The following FILIP1L variants were observed in gnomAD, a reference collection of about 807,000 sequenced individuals.
The protein encoded by FILIP1L is filamin A interacting protein 1 like.
In FILIP1L, 55 loss-of-function variants were observed where a neutral mutation model predicts 96.6. The observed-to-expected ratio is 0.57, with a 90% CI of 0.46 to 0.71. The LOEUF (loss-of-function observed/expected upper bound fraction) is 0.71, where lower values mean the gene tolerates loss of function less well. Among genes scored for constraint, FILIP1L ranks in the 30% least tolerant of loss-of-function variants. FILIP1L has a pLI of 0.00. For missense variants in FILIP1L, 1,304 were observed against 1,321.2 expected, an observed-to-expected ratio of 0.99 and a Z score of 0.20; for synonymous variants, 467 against 473.9, an observed-to-expected ratio of 0.99 and a Z score of 0.19.
At chr3:100,096,530 G>A (rs758625055) in intron 1 of FILIP1L, among the ~76,000 whole-genome samples, 10 of 147,316 alleles carry the variant, frequency 6.8e-5, no homozygotes, top group Non-Finnish European at 1.1e-4. Context: ...AACATCACAT[G>A]TTCTGACTTA....
chr3:100,096,626 G>C (rs959702773), intron 1 of FILIP1L, among the ~76,000 whole-genome samples: 126 of 152,062 alleles, frequency 8.3e-4, no homozygotes, highest in African/African-American at 2.9e-3. Flanking sequence ...AGAGTAGTAG[G>C]GGGTGGGGAG....
chr3:100,022,317 G>T (rs1190249324), intron 1 of FILIP1L, among the ~76,000 whole-genome samples: 1 of 152,170 alleles, frequency 6.6e-6, no homozygotes, highest in African/African-American at 2.4e-5. Context: ...TTGAGCCAGT[G>T]CCATGTCCAA....
At chr3:100,065,507 C>A (rs1461396296) in intron 1 of FILIP1L, among the ~76,000 whole-genome samples, 2 of 152,192 alleles carry the variant, frequency 1.3e-5, no homozygotes, top group African/African-American at 4.8e-5. Flanking sequence ...GTGGCTGCCT[C>A]ATCCTAGAAA....
intron 1 of FILIP1L, among the ~76,000 whole-genome samples, chr3:100,047,041 G>T (rs945044185): frequency 6.6e-6 from 1 of 152,184 alleles, no homozygotes; most frequent in Non-Finnish European, 1.5e-5. Flanking sequence ...AAGATAAAAT[G>T]TAAAGGGTAT....
At chr3:100,099,937 T>A (rs1033915043) in intron 1 of FILIP1L, among the ~76,000 whole-genome samples, 1 of 152,114 alleles carries the variant, frequency 6.6e-6, no homozygotes, top group African/African-American at 2.4e-5. Flanking sequence ...CACAGTGTTA[T>A]AAAGATCATC....
chr3:99,967,525 T>C (rs904242702), intron 1 of FILIP1L, among the ~76,000 whole-genome samples: 1 of 152,210 alleles, frequency 6.6e-6, no homozygotes, highest in African/African-American at 2.4e-5. Context: ...AGTCCCCTCC[T>C]GGCTCCTTGT....
In FILIP1L at chr3:99,831,073, T is replaced by A. The variant is rs116448619; in HGVS notation, c.3382-468A>T. Among the ~76,000 whole-genome samples, 529 of 152,328 alleles carry A rather than the reference T, an allele frequency of 3.5e-3. 5 individuals are homozygous for A. Among genetic ancestry groups the A allele is most frequent in the Middle Eastern group, 6.8e-3 (2 of 294 alleles). On this transcript the variant is annotated intron_variant, in intron 5 of 5. Transcript: ENST00000477258. ...GATGATTAGTGGAACAGCTTGGTAG[T>A]ATGTATCAAGAGCCTTATGAATCTT...
At chr3:100,055,932 G>C (rs2065457008) in intron 1 of FILIP1L, among the ~76,000 whole-genome samples, 1 of 152,164 alleles carries the variant, frequency 6.6e-6, no homozygotes, top group Non-Finnish European at 1.5e-5. Flanking sequence ...TTTTCTGATA[G>C]GATAGATTGT....
intron 4 of FILIP1L, chr3:99,876,265 C>A (rs973802628): frequency 3.1e-6 from 3 of 966,122 alleles, no homozygotes; most frequent in Non-Finnish European, 3.7e-6. Context: ...TCGGCGGGGG[C>A]GCCGGTGACC....
chr3:100,031,095 A>G (rs2065014823), intron 1 of FILIP1L, among the ~76,000 whole-genome samples: 1 of 151,936 alleles, frequency 6.6e-6, no homozygotes, highest in African/African-American at 2.4e-5. Flanking sequence ...GTCAGATTCT[A>G]TTTTTTTCTG....
intron 4 of FILIP1L, among the ~76,000 whole-genome samples, chr3:99,864,684 G>A (rs1243306967): frequency 4.6e-5 from 7 of 151,922 alleles, no homozygotes; most frequent in Non-Finnish European, 8.8e-5. Context: ...CCCTTCTACT[G>A]TTCTCCTCTT....
intron 4 of FILIP1L, among the ~76,000 whole-genome samples, chr3:99,912,815 T>G (rs1706834426): frequency 6.6e-6 from 1 of 152,334 alleles, no homozygotes. Flanking sequence ...CTGTGAATAT[T>G]TGTGTACAGA....
chr3:99,915,537 G>A (rs1016797695), intron 4 of FILIP1L, among the ~76,000 whole-genome samples: 32 of 152,140 alleles, frequency 2.1e-4, no homozygotes, highest in Non-Finnish European at 3.8e-4. Context: ...CGCATATTTG[G>A]AAGGCTACAT....
At chr3:99,893,141 G>C (rs1048225779) in intron 4 of FILIP1L, among the ~76,000 whole-genome samples, 1 of 146,874 alleles carries the variant, frequency 6.8e-6, no homozygotes, top group African/African-American at 2.5e-5. Flanking sequence ...TCTATTTCCA[G>C]TAACAAAATT....
intron 1 of FILIP1L, among the ~76,000 whole-genome samples, chr3:100,011,205 T>C (rs552177122): frequency 2.6e-5 from 4 of 152,292 alleles, no homozygotes; most frequent in Admixed American, 2.6e-4. Context: ...CTATATTTGA[T>C]ACACTTTCTG....
chr3:99,988,341 C>CAAAAAAAA (rs63321762), intron 1 of FILIP1L, among the ~76,000 whole-genome samples: 134 of 62,242 alleles, frequency 2.2e-3, no homozygotes, highest in Non-Finnish European at 2.7e-3. Context: ...ACTAAAAATC[C>CAAAAAAAA]AAAAAAAAAA....
rs1191587665 is a variant in FILIP1L at position 99,983,464 on chromosome 3, G to GTATA, written c.-10-52438_-10-52435dup. Among the ~76,000 whole-genome samples, 65 of 12,636 alleles carry GTATA rather than the reference G, an allele frequency of 5.1e-3. 3 individuals are homozygous for GTATA. The highest frequency in any genetic ancestry group is 9.3e-3 in the Non-Finnish European group (55 of 5,924). The allele number at this position is 12,636 out of a possible 152,430, so 8.3% of individuals were successfully genotyped here. On this transcript the variant is annotated intron_variant, in intron 1 of 5. Transcript: ENST00000477258. ...TATGTATGTATATATATATATGTGTGTATATATATATATATATATATATAT... is the reference window on the plus strand; with the variant it reads ...TATGTATGTATATATATATATGTGTGTATATATATATATATATATATATATATAT...
chr3:99,932,248 C>T lies in FILIP1L; in HGVS notation c.-10-1218G>A, dbSNP rs114964119. Reference sequence around the variant, plus strand: ...GTATTTATCATTCCCCTGTATGTTTCATACTTTTTAAAAACATGTACATAT... The same window carrying T: ...GTATTTATCATTCCCCTGTATGTTTTATACTTTTTAAAAACATGTACATAT... On this transcript the variant is annotated intron_variant, in intron 1 of 5. Coordinates refer to ENST00000477258, the MANE Select transcript of FILIP1L (RefSeq NM_001387850.1). Among the ~76,000 whole-genome samples, 688 of 152,200 alleles carry T rather than the reference C, an allele frequency of 4.5e-3. 7 individuals carry two copies. The highest frequency in any genetic ancestry group is 0.016 in the African/African-American group (674 of 41,548).
chr3:100,097,239 A>G (rs2066225635), intron 1 of FILIP1L, among the ~76,000 whole-genome samples: 1 of 152,166 alleles, frequency 6.6e-6, no homozygotes, highest in Non-Finnish European at 1.5e-5. Context: ...TCCCCAAACC[A>G]CCAACCATCC....
Sources: gnomAD v4.1 joint callset for allele counts (sites outside exome capture counted in the v4.1 genomes callset) on GRCh38, gnomAD v4.1.1 for gene constraint, MANE v1.5 for transcripts, NCBI Gene and HGNC (gene_info 2026-07-23, HGNC 2026-07-21) for gene names.